MYH10: variants seen among roughly 807,000 people sequenced by gnomAD.
The protein encoded by MYH10 is myosin-10.
A neutral mutation model predicts 257.8 loss-of-function variants in MYH10; 55 were observed. The observed-to-expected ratio is 0.21, with a 90% confidence interval of 0.17 to 0.27. The LOEUF (loss-of-function observed/expected upper bound fraction) is 0.27. MYH10 is among the 10% of genes least tolerant of loss of function. The pLI is 1.00. For missense variants in MYH10, 1,631 were observed against 2,500.6 expected, an observed-to-expected ratio of 0.65 and a Z score of 7.42; for synonymous variants, 854 against 921.7, an observed-to-expected ratio of 0.93 and a Z score of 1.33.
intron 31 of MYH10, 90 bp from the exon 32 acceptor site, chr17:8,493,975 A>G (rs1916166210): frequency 1.4e-6 from 2 of 1,425,206 alleles, no homozygotes; most frequent in East Asian, 4.6e-5. Context: ...CGTACAAAAG[A>G]GACAGCCTCA....
intron 33 of MYH10, 86 bp from the exon 34 acceptor site, chr17:8,492,595 G>C: frequency 7.3e-7 from 1 of 1,378,260 alleles, no homozygotes; most frequent in Non-Finnish European, 9.7e-7. Context: ...TTTATCGCTA[G>C]AGTGCTGCCA....
chr17:8,531,358 T>C, intron 16 of MYH10, among the ~76,000 whole-genome samples: 1 of 152,052 alleles, frequency 6.6e-6, no homozygotes, highest in Admixed American at 6.5e-5. Flanking sequence ...AGGATTTTTT[T>C]TTTTCCTCAA....
chr17:8,507,188 C>A (rs1302915176), intron 26 of MYH10, among the ~76,000 whole-genome samples: 1 of 152,198 alleles, frequency 6.6e-6, no homozygotes, highest in Non-Finnish European at 1.5e-5. Context: ...AGCAGAAGAA[C>A]CATATACTAG....
intron 3 of MYH10, among the ~76,000 whole-genome samples, chr17:8,590,398 C>A (rs999547017): frequency 6.6e-6 from 1 of 152,006 alleles, no homozygotes; most frequent in South Asian, 2.1e-4. Flanking sequence ...CTGCAACCTC[C>A]GTCTCCTCGG....
chr17:8,592,971 A>ATATATATATATATATATATATAT (rs1597918848), intron 3 of MYH10, among the ~76,000 whole-genome samples: 18 of 128,846 alleles, frequency 1.4e-4, no homozygotes, highest in Admixed American at 3.2e-4. Flanking sequence ...ATATATATAT[A>ATATATATATATATATATATATAT]AAAGATGATG....
chr17:8,474,518 G>A lies in MYH10; in HGVS notation c.*1286C>T, dbSNP rs934593427. 6.6e-6 allele frequency: 1 copy of A among 152,542 alleles called. No homozygotes were observed. The highest frequency in any genetic ancestry group is 1.5e-5 in the Non-Finnish European group (1 of 68,020). The allele number at this position is 152,542 out of a possible 1,614,324, so 9.4% of individuals were successfully genotyped here. On this transcript the variant is annotated 3_prime_UTR_variant, in exon 43 of 43. Transcript: ENST00000360416. ...TTCAAGCACATTGCAGAGGATCAAGGATTTAGAATTAACACTGATTCATTG... is the reference window on the plus strand; with the variant it reads ...TTCAAGCACATTGCAGAGGATCAAGAATTTAGAATTAACACTGATTCATTG...
intron 7 of MYH10, among the ~76,000 whole-genome samples, chr17:8,558,328 A>C (rs1431031228): frequency 6.6e-6 from 1 of 152,202 alleles, no homozygotes; most frequent in Non-Finnish European, 1.5e-5. Context: ...GCACTTCCAC[A>C]CATAGCACAG....
At chr17:8,567,269 G>A (rs1326725871) in intron 7 of MYH10, among the ~76,000 whole-genome samples, 1 of 152,156 alleles carries the variant, frequency 6.6e-6, no homozygotes, top group Admixed American at 6.5e-5. Flanking sequence ...TCAAGTCACA[G>A]GCATGCCTCC....
intron 4 of MYH10, among the ~76,000 whole-genome samples, chr17:8,584,064 G>T (rs1456705128): frequency 2.6e-5 from 4 of 152,130 alleles, no homozygotes; most frequent in Non-Finnish European, 5.9e-5. Flanking sequence ...TTCTATGGGG[G>T]TGCAAGTGTG....
chr17:8,505,336 T>G (rs1313722680), intron 27 of MYH10, among the ~76,000 whole-genome samples: 1 of 152,222 alleles, frequency 6.6e-6, no homozygotes, highest in Non-Finnish European at 1.5e-5. Flanking sequence ...AAGAACACAG[T>G]AGAAGAAAGA....
At position 8,499,404 on chromosome 17, in the gene MYH10, C is replaced by A. The variant is rs1445869501; in HGVS notation, c.3817G>T (p.Val1273Phe). The A allele has an allele frequency of 1.2e-6, 2 of 1,614,076 alleles. No homozygotes were observed. The highest frequency in any genetic ancestry group is 1.7e-6 in the Non-Finnish European group (2 of 1,180,046). The change falls in exon 30 of 43, where the codon GTC becomes TTC. Residue 1273 changes from valine (V) to phenylalanine (F), a missense_variant. Coordinates refer to ENST00000360416, the MANE Select transcript of MYH10 (RefSeq NM_001256012.3). ...GACTCAGCCTTGACCTGCTGCAGGA[C>A]CTTCACCTCACACGCCAGCTCCTTG... ...DNKELACEVK[V>F]LQQVKAESEH...
intron 2 of MYH10, among the ~76,000 whole-genome samples, chr17:8,610,393 A>C (rs2084990229): frequency 6.6e-6 from 1 of 151,332 alleles, no homozygotes. Flanking sequence ...GTTCAAGACT[A>C]GCCTGGGCAA....
Position 8,550,539 on chromosome 17 carries a change from GC to G in MYH10, c.919+1506del, listed in dbSNP as rs555736713. On this transcript the variant is annotated intron_variant, in intron 9 of 42. Coordinates refer to ENST00000360416, the MANE Select transcript of MYH10 (RefSeq NM_001256012.3). ...GGTGGGGGGGACAGCCCCCCGCCCG[GC>G]CAGCCGCCCTGCCCGGGAGGTGAGG... Among the ~76,000 whole-genome samples, 21 of 151,110 alleles carry G rather than the reference GC, an allele frequency of 1.4e-4. No individual in the cohort carries two copies. The South Asian group carries it at 4.4e-3, about 32-fold the overall frequency.
At chr17:8,548,827 C>G in intron 9 of MYH10, 40 bp from the exon 10 acceptor site, 2 of 1,549,234 alleles carry the variant, frequency 1.3e-6, no homozygotes, top group Non-Finnish European at 1.8e-6. Context: ...GATAAATACT[C>G]ATGAAGACAA....
chr17:8,615,100 A>G (rs146655484), intron 2 of MYH10, among the ~76,000 whole-genome samples: 27 of 152,186 alleles, frequency 1.8e-4, no homozygotes, highest in African/African-American at 6.3e-4. Flanking sequence ...TTGAGACAAG[A>G]CTGGCCAACA....
At chr17:8,543,568 G>A (rs897078234) in intron 13 of MYH10, among the ~76,000 whole-genome samples, 7 of 149,468 alleles carry the variant, frequency 4.7e-5, no homozygotes, top group Non-Finnish European at 3.0e-5. Flanking sequence ...TCCGCCTCCC[G>A]GGTTCAAGCA....
chr17:8,572,778 T>C (rs2083391274), intron 6 of MYH10, among the ~76,000 whole-genome samples: 1 of 152,190 alleles, frequency 6.6e-6, no homozygotes, highest in Admixed American at 6.5e-5. Flanking sequence ...AATGGATTTG[T>C]GGACATTGGT....
chr17:8,573,359 C>A (rs1026841129), intron 6 of MYH10, among the ~76,000 whole-genome samples: 1 of 152,154 alleles, frequency 6.6e-6, no homozygotes, highest in Non-Finnish European at 1.5e-5. Context: ...ATGTTGAAAA[C>A]CAGACTCTAA....
At chr17:8,516,001 C>T (rs1597713864) in intron 21 of MYH10, among the ~76,000 whole-genome samples, 1 of 152,328 alleles carries the variant, frequency 6.6e-6, no homozygotes. Context: ...AACTACTGCC[C>T]TAGTTGCTTC....
Sources: gnomAD v4.1 joint callset for allele counts (sites outside exome capture counted in the v4.1 genomes callset) on GRCh38, gnomAD v4.1.1 for gene constraint, MANE v1.5 for transcripts, NCBI Gene and HGNC (gene_info 2026-07-23, HGNC 2026-07-21) for gene names.